The following KAZN variants were observed in gnomAD, a reference collection of about 807,000 sequenced individuals.
KAZN encodes kazrin.
In KAZN, 40 loss-of-function variants were observed where a neutral mutation model predicts 87.4. The ratio of observed to expected loss-of-function variants is 0.46; its 90% CI spans 0.36 to 0.60. The LOEUF is 0.60. KAZN is among the 20% of genes least tolerant of loss of function. The pLI, the probability that KAZN is intolerant of heterozygous loss-of-function variation, is 0.00. For missense variants in KAZN, 898 were observed against 1,073.9 expected (o/e 0.84, Z 2.29); for synonymous variants, 466 against 458.3 (o/e 1.02, Z -0.22).
At chr1:14,698,448 G>A (rs900832075) in intron 1 of KAZN, among the ~76,000 whole-genome samples, 2 of 152,222 alleles carry the variant, frequency 1.3e-5, no homozygotes, top group Non-Finnish European at 1.5e-5. Flanking sequence ...ATTTGCCGTT[G>A]GGGTCAGGTG....
chr1:14,911,968 A>G (rs941352273), intron 1 of KAZN, among the ~76,000 whole-genome samples: 1 of 152,050 alleles, frequency 6.6e-6, no homozygotes, highest in African/African-American at 2.4e-5. Context: ...CCTGTCCAAT[A>G]TGATGGCACG....
chr1:14,007,593 T>C (rs1182146253), intron 1 of KAZN, among the ~76,000 whole-genome samples: 4 of 152,220 alleles, frequency 2.6e-5, no homozygotes, highest in Admixed American at 1.3e-4. Context: ...AAAAAGTCAG[T>C]GCTTCCACAA....
At chr1:14,638,639 G>A (rs753815968) in intron 1 of KAZN, among the ~76,000 whole-genome samples, 4 of 151,446 alleles carry the variant, frequency 2.6e-5, no homozygotes, top group Non-Finnish European at 4.4e-5. Context: ...GACCCTGCCC[G>A]CAGTGGGAAA....
intron 1 of KAZN, among the ~76,000 whole-genome samples, chr1:13,974,803 C>A (rs2101058463): frequency 6.6e-6 from 1 of 152,264 alleles, no homozygotes; most frequent in East Asian, 1.9e-4. Context: ...TATTTTGTGG[C>A]AGTTTGTAAT....
chr1:14,460,744 A>C (rs1471795305), intron 2 of KAZN, among the ~76,000 whole-genome samples: 1 of 152,198 alleles, frequency 6.6e-6, no homozygotes, highest in Non-Finnish European at 1.5e-5. Context: ...GAAAATCAGA[A>C]ATAGAGGCTC....
chr1:14,992,392 C>T (rs190880950), intron 2 of KAZN, among the ~76,000 whole-genome samples: 91 of 152,270 alleles, frequency 6.0e-4, no homozygotes, highest in African/African-American at 2.0e-3. Context: ...CGTGCCAGCC[C>T]GGGCCAAGGG....
chr1:14,286,196 G>A (rs1034391242), intron 2 of KAZN, among the ~76,000 whole-genome samples: 1 of 152,152 alleles, frequency 6.6e-6, no homozygotes, highest in African/African-American at 2.4e-5. Context: ...GGTTTTTTCT[G>A]AAGACACTCT....
chr1:14,558,868 G>A (rs987647636), intron 2 of KAZN, among the ~76,000 whole-genome samples: 4 of 152,180 alleles, frequency 2.6e-5, no homozygotes, highest in African/African-American at 9.7e-5. Flanking sequence ...TAAAAGTGGG[G>A]CTTATGAAAG....
Position 14,932,270 on chromosome 1 carries a change from G to A in KAZN, c.227-28414G>A, listed in dbSNP as rs753630374. 4.7e-4 allele frequency among the ~76,000 whole-genome samples: 66 copies of A among 141,166 alleles called. 1 individual carries two copies. The highest frequency in any genetic ancestry group is 1.6e-3 in the African/African-American group (63 of 39,732). 92.6% of individuals were successfully genotyped at this position (141,166 alleles called of 152,430 possible). On this transcript the variant is annotated intron_variant, in intron 1 of 14. Coordinates refer to ENST00000376030, the MANE Select transcript of KAZN (RefSeq NM_201628.3). ...CCCTCCCCGCCCCGTCCCCTGCCCCGGGTCCCTTTCATTGTCGGGCGTGAT... is the reference window on the plus strand; with the variant it reads ...CCCTCCCCGCCCCGTCCCCTGCCCCAGGTCCCTTTCATTGTCGGGCGTGAT...
At chr1:14,489,667 G>A (rs1669541557) in intron 2 of KAZN, among the ~76,000 whole-genome samples, 1 of 151,496 alleles carries the variant, frequency 6.6e-6, no homozygotes, top group African/African-American at 2.4e-5. Context: ...CTGGGAGGCA[G>A]AGTTTGCAGT....
rs57076544 is a variant in KAZN at position 14,371,254 on chromosome 1, T to G, written c.249+190662T>G. ...TGCTGCTGGTCAGAGGACCACACTT[T>G]GAGAGCTATTGCTTTTCATGCCTCT... is the stretch of plus-strand genomic sequence containing the variant. On this transcript the variant is annotated intron_variant, in intron 2 of 16. Coordinates refer to the KAZN transcript ENST00000636203. Among the ~76,000 whole-genome samples, 434 of 152,302 alleles carry G rather than the reference T, an allele frequency of 2.8e-3. 4 individuals carry two copies. Among genetic ancestry groups the G allele is most frequent in the African/African-American group, 0.01 (416 of 41,568 alleles).
At chr1:14,652,449 A>ATCTGCCTATCCATCCACCCACCCACCCG (rs1176727591) in intron 1 of KAZN, among the ~76,000 whole-genome samples, 2 of 97,490 alleles carry the variant, frequency 2.1e-5, no homozygotes, top group South Asian at 3.7e-4. Flanking sequence ...CCACCCACCC[A>ATCTGCCTATCCATCCACCCACCCACCCG]CCCATCTGCC....
rs1572114150 is a variant in KAZN, at chr1:14,641,724, A to C, written c.226+42501A>C. 2.0e-5 allele frequency among the ~76,000 whole-genome samples: 3 copies of C among 152,364 alleles called. 1 individual carries two copies. Reference sequence around the variant, plus strand: ...TCACATACCACCCTTCGTTACGAGAAAGGCGAGGTGTGGCCATGAGCCACT... The same window carrying C: ...TCACATACCACCCTTCGTTACGAGACAGGCGAGGTGTGGCCATGAGCCACT... On this transcript the variant is annotated intron_variant, in intron 1 of 14. Transcript: ENST00000376030.
At chr1:14,269,025 G>T (rs1349906469) in intron 2 of KAZN, among the ~76,000 whole-genome samples, 2 of 152,176 alleles carry the variant, frequency 1.3e-5, no homozygotes, top group African/African-American at 4.8e-5. Flanking sequence ...AGCTAACTCT[G>T]CCCATTATAA....
At chr1:14,639,178 T>C (rs1680236493) in intron 1 of KAZN, among the ~76,000 whole-genome samples, 1 of 152,080 alleles carries the variant, frequency 6.6e-6, no homozygotes, top group Admixed American at 6.5e-5. Context: ...GCTGATGCAC[T>C]CGGTCAGGGC....
intron 3 of KAZN, 79 bp downstream of exon 3, chr1:15,034,964 G>A (rs985167224): frequency 3.6e-5 from 56 of 1,545,890 alleles, no homozygotes; most frequent in Non-Finnish European, 3.7e-5. Context: ...ACCTTCACAG[G>A]CTCTGCCTCT....
rs571225271 is a variant in KAZN at position 14,598,929 on chromosome 1, G to C, written c.-69G>C. On this transcript the variant is annotated 5_prime_UTR_variant, in exon 1 of 15. Transcript: ENST00000376030. The surrounding 1 kb of genome is among the most constrained non-coding windows in gnomAD (Gnocchi z 4.2). ...ACAACAGGTAGAGCCGGGGGTGCCC[G>C]GCCGCGCGCCCCCCGCGCATCATGC... 6.4e-7 allele frequency: 1 copy of C among 1,553,480 alleles called. No individual in the cohort carries two copies. The highest frequency in any genetic ancestry group is 1.7e-4 in the Middle Eastern group (1 of 5,916).
At chr1:15,085,596 G>A (rs1331508613) in intron 8 of KAZN, among the ~76,000 whole-genome samples, 1 of 152,166 alleles carries the variant, frequency 6.6e-6, no homozygotes, top group African/African-American at 2.4e-5. Context: ...CCAAAGTGCT[G>A]GGATTACAGG....
intron 1 of KAZN, among the ~76,000 whole-genome samples, chr1:14,717,257 A>G (rs1394188517): frequency 6.6e-6 from 1 of 151,742 alleles, no homozygotes; most frequent in Non-Finnish European, 1.5e-5. Flanking sequence ...ACAACCATGT[A>G]CCCTGGCATG....
Sources: gnomAD v4.1 joint callset for allele counts (sites outside exome capture counted in the v4.1 genomes callset) on GRCh38, gnomAD v4.1.1 for gene constraint, Gnocchi (gnomAD v3.1) non-coding constraint, MANE v1.5 for transcripts, NCBI Gene and HGNC (gene_info 2026-07-23, HGNC 2026-07-21) for gene names.